Variants in UGT2A2 observed in about 807,000 individuals in gnomAD.
The protein encoded by UGT2A2 is UDP glucuronosyltransferase family 2 member A2, also known as UDP-glucuronosyltransferase 2A2.
A neutral mutation model predicts 50.7 loss-of-function variants in UGT2A2; 60 were observed. The observed-to-expected ratio is 1.18, with a 90% CI of 0.96 to 1.47. The LOEUF is 1.47. Among genes scored for constraint, UGT2A2 ranks in the 40% most tolerant of loss-of-function variants. The pLI, the probability that UGT2A2 is intolerant of heterozygous loss-of-function variation, is 0.00. For missense variants in UGT2A2, 762 were observed against 634.0 expected, an observed-to-expected ratio of 1.20 and a Z score of -2.17; for synonymous variants, 242 against 214.6, an observed-to-expected ratio of 1.13 and a Z score of -1.11.
At chr4:69,604,327 AGAG>A (rs55830142) in intron 1 of UGT2A2, among the ~76,000 whole-genome samples, 24,538 of 135,028 alleles carry the variant, frequency 0.18, 5,831 homozygotes, top group Non-Finnish European at 0.22. Flanking sequence ...AAGCTTCATA[AGAG>A]GAGAAGGAGA....
chr4:69,638,578 G>A (rs184969033), intron 1 of UGT2A2, among the ~76,000 whole-genome samples: 1 of 152,064 alleles, frequency 6.6e-6, no homozygotes, highest in South Asian at 2.1e-4. Context: ...ATTTGCCAGG[G>A]TATTTTTCAG....
At chr4:69,596,494 C>T in intron 2 of UGT2A2, 113 bp from the exon 3 acceptor site, 3 of 1,315,950 alleles carry the variant, frequency 2.3e-6, no homozygotes, top group Non-Finnish European at 2.9e-6. Context: ...AACTGTTGAA[C>T]TGTCTGTCTT....
chr4:69,616,680 C>T (rs994536835), intron 1 of UGT2A2, among the ~76,000 whole-genome samples: 6 of 151,830 alleles, frequency 4.0e-5, no homozygotes, highest in African/African-American at 1.2e-4. Flanking sequence ...ATAATTTTAT[C>T]TTCTAACTAG....
chr4:69,608,993 A>G (rs979371347), intron 1 of UGT2A2, among the ~76,000 whole-genome samples: 5 of 152,136 alleles, frequency 3.3e-5, no homozygotes, highest in Admixed American at 1.3e-4. Context: ...TCAGGAACAT[A>G]AAGAAAAATT....
At chr4:69,638,680 G>A (rs1047283324) in intron 1 of UGT2A2, among the ~76,000 whole-genome samples, 1 of 152,016 alleles carries the variant, frequency 6.6e-6, no homozygotes, top group Non-Finnish European at 1.5e-5. Context: ...TGGACACAAA[G>A]TTGTTTGCAT....
At chr4:69,608,655 G>A (rs897881117) in intron 1 of UGT2A2, among the ~76,000 whole-genome samples, 1 of 151,886 alleles carries the variant, frequency 6.6e-6, no homozygotes, top group African/African-American at 2.4e-5. Context: ...GCAAAGAAAT[G>A]GACTCAACTC....
chr4:69,616,297 G>GA (rs1451298574), intron 1 of UGT2A2, among the ~76,000 whole-genome samples: 2 of 151,872 alleles, frequency 1.3e-5, no homozygotes, highest in South Asian at 2.1e-4. Context: ...TAGTTAGAAT[G>GA]AAAAAATCTA....
chr4:69,595,928 C>T (rs186499851), intron 3 of UGT2A2, among the ~76,000 whole-genome samples: 5 of 152,240 alleles, frequency 3.3e-5, no homozygotes, highest in Admixed American at 2.6e-4. Flanking sequence ...AACTTCAAAA[C>T]TTTTGAAAGT....
chr4:69,596,846 C>T (rs987115917), intron 2 of UGT2A2, among the ~76,000 whole-genome samples: 1 of 152,186 alleles, frequency 6.6e-6, no homozygotes, highest in Admixed American at 6.5e-5. Flanking sequence ...TAAGAGGAAA[C>T]ACGTCTCTGA....
chr4:69,618,239 A>ATGTGTGTG (rs1560481884), intron 1 of UGT2A2, among the ~76,000 whole-genome samples: 1 of 116,280 alleles, frequency 8.6e-6, no homozygotes, highest in African/African-American at 3.0e-5. Flanking sequence ...GTGTGTGTGT[A>ATGTGTGTG]TGTGTGTGTT....
intron 1 of UGT2A2, among the ~76,000 whole-genome samples, chr4:69,626,130 T>C (rs1238429731): frequency 1.3e-5 from 2 of 151,550 alleles, no homozygotes; most frequent in African/African-American, 2.4e-5. Context: ...TTTTCTGATT[T>C]TACCTTGTTG....
Position 69,594,653 on chromosome 4 carries a change from A to T in UGT2A2, c.1155T>A (p.Asn385Lys). 1 of 1,614,116 alleles carries T rather than the reference A, an allele frequency of 6.2e-7. No individual in the cohort carries two copies. Among genetic ancestry groups the T allele is most frequent in the Non-Finnish European group, 8.5e-7 (1 of 1,180,028 alleles). Residue 385 changes from asparagine to lysine, a missense_variant, in exon 5 of 6, where the codon AAT becomes AAA. By Grantham distance (94) the Asn-to-Lys change is moderately conservative. Coordinates refer to ENST00000604629, the MANE Select transcript of UGT2A2 (RefSeq NM_001105677.2). The stretch of plus-strand genomic sequence containing the variant: ...CGTGGTAAATAGCTTCGTAGATCCC[A>T]TTAGTTCCACCATGAGTGATAAAAG... The part of the protein sequence containing the change: ...TKAFITHGGT[N>K]GIYEAIYHGV...
intron 1 of UGT2A2, among the ~76,000 whole-genome samples, chr4:69,615,246 T>A (rs1720308959): frequency 6.6e-6 from 1 of 151,996 alleles, no homozygotes; most frequent in African/African-American, 2.4e-5. Flanking sequence ...TTTCTAATCT[T>A]TAAGTTAAAT....
chr4:69,605,889 T>C (rs1469922202), intron 1 of UGT2A2, among the ~76,000 whole-genome samples: 1 of 136,884 alleles, frequency 7.3e-6, no homozygotes. Context: ...ATTGAATCTC[T>C]GAATAGACCA....
chr4:69,638,192 AGAG>A (rs1449839969), intron 1 of UGT2A2, among the ~76,000 whole-genome samples: 1 of 152,114 alleles, frequency 6.6e-6, no homozygotes, highest in African/African-American at 2.4e-5. Flanking sequence ...CCGAGTACTA[AGAG>A]ATCTGGAGGC....
At position 69,594,635 on chromosome 4, in the gene UGT2A2, A is replaced by G. The variant is rs749638314; in HGVS notation, c.1173T>C (p.Ile391=). The change falls in exon 5 of 6, where the codon ATT becomes ATC. Residue 391 remains isoleucine, a synonymous_variant. Transcript: ENST00000604629. The part of the protein sequence containing the change: ...HGGTNGIYEA[I]YHGVPMVGVP... ...CTCCCACCATAGGGACTCCGTGGTA[A>G]ATAGCTTCGTAGATCCCATTAGTTC... 2.9e-5 allele frequency: 47 copies of G among 1,614,018 alleles called. No homozygotes were observed. The highest frequency in any genetic ancestry group is 3.5e-5 in the Non-Finnish European group (41 of 1,180,044).
At chr4:69,596,438 T>C in intron 2 of UGT2A2, 57 bp from the exon 3 acceptor site, 1 of 1,421,774 alleles carries the variant, frequency 7.0e-7, no homozygotes. Context: ...AAAAAATAAG[T>C]TTACTTACAC....
chr4:69,617,767 C>T (rs1296021665), intron 1 of UGT2A2, among the ~76,000 whole-genome samples: 1 of 151,716 alleles, frequency 6.6e-6, no homozygotes, highest in Non-Finnish European at 1.5e-5. Context: ...AATACACTTA[C>T]TATCTAGGAT....
At chr4:69,609,844 A>G (rs777208343) in intron 1 of UGT2A2, among the ~76,000 whole-genome samples, 7 of 152,200 alleles carry the variant, frequency 4.6e-5, no homozygotes, top group East Asian at 1.9e-4. Flanking sequence ...ATGTCATGCT[A>G]TAGTCACCTG....
Sources: gnomAD v4.1 joint callset for allele counts (sites outside exome capture counted in the v4.1 genomes callset) on GRCh38, gnomAD v4.1.1 for gene constraint, MANE v1.5 for transcripts, NCBI Gene and HGNC (gene_info 2026-07-23, HGNC 2026-07-21) for gene names.